Variants in ATP10D observed in about 807,000 individuals in gnomAD.
ATP10D encodes the protein ATPase phospholipid transporting 10D (putative), also known as phospholipid-transporting ATPase VD.
A neutral mutation model predicts 144.8 loss-of-function variants in ATP10D; 89 were observed. That is an observed-to-expected ratio of 0.61 (90% CI 0.52 to 0.73). The LOEUF is 0.73. Among genes scored for constraint, ATP10D ranks in the 30% least tolerant of loss-of-function variants. The pLI is 0.00. For synonymous variants in ATP10D, 571 were observed against 615.1 expected (o/e 0.93, Z 1.06); for missense variants, 1,603 against 1,714.8 (o/e 0.93, Z 1.15).
chr4:47,518,100 G>A (rs1716775512), intron 3 of ATP10D, among the ~76,000 whole-genome samples: 1 of 152,128 alleles, frequency 6.6e-6, no homozygotes, highest in South Asian at 2.1e-4. Context: ...ATATGCTAAT[G>A]TAAATGTATA....
intron 5 of ATP10D, among the ~76,000 whole-genome samples, chr4:47,531,249 G>C (rs1417928843): frequency 2.6e-5 from 4 of 152,298 alleles, no homozygotes; most frequent in African/African-American, 9.6e-5. Context: ...ACATCTGATA[G>C]GGTAGGGACA....
intron 21 of ATP10D, among the ~76,000 whole-genome samples, chr4:47,586,261 C>T (rs1486818556): frequency 2.6e-5 from 4 of 152,066 alleles, no homozygotes; most frequent in East Asian, 1.9e-4. Flanking sequence ...ATTAGTGAAC[C>T]GATGTTAAGA....
chr4:47,587,923 A>G (rs1577714549), intron 22 of ATP10D, among the ~76,000 whole-genome samples: 1 of 152,106 alleles, frequency 6.6e-6, no homozygotes, highest in East Asian at 1.9e-4. Flanking sequence ...TTGCCCCTGT[A>G]TACAGGAATG....
chr4:47,587,278 A>G (rs1720836524), intron 22 of ATP10D, 72 bp downstream of exon 22: 2 of 1,386,124 alleles, frequency 1.4e-6, no homozygotes, highest in South Asian at 1.4e-5. Flanking sequence ...CAACTACACT[A>G]CTACGAATGG....
At chr4:47,568,454 A>G (rs1719754461) in intron 15 of ATP10D, among the ~76,000 whole-genome samples, 1 of 152,228 alleles carries the variant, frequency 6.6e-6, no homozygotes, top group Non-Finnish European at 1.5e-5. Flanking sequence ...TGATGGAAAT[A>G]ATATTTGCAT....
intron 21 of ATP10D, among the ~76,000 whole-genome samples, chr4:47,582,426 T>A (rs1008489933): frequency 3.3e-5 from 5 of 152,254 alleles, no homozygotes; most frequent in Non-Finnish European, 7.3e-5. Context: ...ACTTTAGGGA[T>A]GATTTTATGC....
intron 1 of ATP10D, among the ~76,000 whole-genome samples, chr4:47,492,045 G>A (rs1472393508): frequency 2.0e-5 from 3 of 152,154 alleles, no homozygotes; most frequent in African/African-American, 2.4e-5. Context: ...AATTTTGTCC[G>A]TTTTGTTCCC....
chr4:47,564,657 C>T (rs1719507426), intron 15 of ATP10D, among the ~76,000 whole-genome samples: 1 of 152,104 alleles, frequency 6.6e-6, no homozygotes, highest in Non-Finnish European at 1.5e-5. Flanking sequence ...GAGGCTTAGA[C>T]TCAGCCCAGT....
intron 2 of ATP10D, 157 bp downstream of exon 2, chr4:47,512,987 C>T: frequency 1.4e-6 from 1 of 691,260 alleles, no homozygotes. Flanking sequence ...GATGACTCCT[C>T]CCATTCACGT....
intron 13 of ATP10D, among the ~76,000 whole-genome samples, chr4:47,559,855 C>T (rs1719201340): frequency 6.6e-6 from 1 of 152,136 alleles, no homozygotes; most frequent in African/African-American, 2.4e-5. Flanking sequence ...CAAAAATTAG[C>T]CGGATCTGGT....
intron 2 of ATP10D, among the ~76,000 whole-genome samples, chr4:47,514,112 T>C (rs1716503827): frequency 6.6e-6 from 1 of 152,236 alleles, no homozygotes; most frequent in Non-Finnish European, 1.5e-5. Context: ...TTTTTGTAAA[T>C]GTATTCAAGA....
intron 1 of ATP10D, among the ~76,000 whole-genome samples, chr4:47,509,692 G>T (rs1206596482): frequency 2.0e-5 from 3 of 152,096 alleles, no homozygotes; most frequent in Non-Finnish European, 4.4e-5. Flanking sequence ...GTAATAGTCT[G>T]TTTTCTGCAT....
intron 3 of ATP10D, among the ~76,000 whole-genome samples, chr4:47,521,770 A>G (rs550846292): frequency 3.3e-5 from 5 of 152,316 alleles, no homozygotes; most frequent in African/African-American, 9.6e-5. Flanking sequence ...ATATGCACAG[A>G]CACTAGGGAA....
chr4:47,533,655 T>A (rs1169870730), intron 5 of ATP10D, among the ~76,000 whole-genome samples: 2 of 152,202 alleles, frequency 1.3e-5, no homozygotes, highest in Non-Finnish European at 2.9e-5. Context: ...ACCATTACTG[T>A]TGCTCTGTAT....
chr4:47,573,938 C>T (rs2109466176), intron 18 of ATP10D, among the ~76,000 whole-genome samples: 1 of 152,074 alleles, frequency 6.6e-6, no homozygotes, highest in East Asian at 1.9e-4. Flanking sequence ...CAAGACTTTA[C>T]TGATTAGAAT....
At chr4:47,543,534 A>G (rs11728642) in intron 9 of ATP10D, among the ~76,000 whole-genome samples, 37,667 of 152,064 alleles carry the variant, frequency 0.25, 4,740 homozygotes, top group Admixed American at 0.3. Flanking sequence ...AAGCAAAAGT[A>G]TCTACAGCCA....
intron 5 of ATP10D, among the ~76,000 whole-genome samples, chr4:47,533,767 C>T (rs1261310492): frequency 5.9e-5 from 9 of 152,110 alleles, no homozygotes; most frequent in African/African-American, 9.7e-5. Context: ...AAAAGTATAA[C>T]GAACACCCAT....
intron 3 of ATP10D, among the ~76,000 whole-genome samples, chr4:47,522,609 G>T (rs191059703): frequency 3.9e-5 from 6 of 152,116 alleles, no homozygotes; most frequent in Non-Finnish European, 8.8e-5. Context: ...CAGCTCTGTC[G>T]CCCAAGCTGG....
At chr4:47,528,003 A>G (rs1717342287) in intron 5 of ATP10D, among the ~76,000 whole-genome samples, 1 of 152,198 alleles carries the variant, frequency 6.6e-6, no homozygotes, top group Admixed American at 6.5e-5. Flanking sequence ...TCATCAACAG[A>G]TAAATGGATA....
Sources: allele counts gnomAD v4.1 joint callset (sites outside exome capture counted in the v4.1 genomes callset), GRCh38; gene constraint gnomAD v4.1.1; transcripts MANE v1.5; gene names NCBI Gene and HGNC (gene_info 2026-07-23, HGNC 2026-07-21).